The following IGFL2 variants were observed in gnomAD, a reference collection of about 807,000 sequenced individuals.
IGFL2 encodes the protein IGF like family member 2.
Under a neutral mutation model 13.9 loss-of-function variants are expected in IGFL2, and 7 were observed. That is an observed-to-expected ratio of 0.51 (90% CI 0.29 to 0.95). The LOEUF (loss-of-function observed/expected upper bound fraction) is 0.95. Ranked by LOEUF, IGFL2 falls within the 40% of genes least tolerant of loss-of-function variation. The probability of loss-of-function intolerance (pLI) is 0.08; values close to 1 mark genes in which losing one functional copy is unlikely to be tolerated. For missense variants in IGFL2, 138 were observed against 147.8 expected (o/e 0.93, Z 0.34); for synonymous variants, 55 against 55.8 (o/e 0.99, Z 0.07).
At chr19:46,101,735 G>T in the IGFL2 span, among the ~76,000 whole-genome samples, 1 of 152,152 alleles carries the variant, frequency 6.6e-6, no homozygotes, top group African/African-American at 2.4e-5. Flanking sequence ...CCCAGAACTC[G>T]GTAGTCTTAG....
upstream of IGFL2, among the ~76,000 whole-genome samples, chr19:46,141,706 C>A (rs948876316): frequency 6.6e-6 from 1 of 152,056 alleles, no homozygotes; most frequent in African/African-American, 2.4e-5. Flanking sequence ...AGGGTTTCTC[C>A]TTCTCCCCAT....
the IGFL2 span, among the ~76,000 whole-genome samples, chr19:46,205,204 C>T: frequency 3.3e-5 from 5 of 152,118 alleles, no homozygotes; most frequent in Middle Eastern, 3.2e-3. Context: ...TAATGAAAAG[C>T]ACCCTCCAAA....
the IGFL2 span, among the ~76,000 whole-genome samples, chr19:46,131,883 G>T: frequency 6.6e-6 from 1 of 152,278 alleles, no homozygotes; most frequent in East Asian, 1.9e-4. Context: ...AGGTTGCAGT[G>T]AGCCAATATT....
the IGFL2 span, among the ~76,000 whole-genome samples, chr19:46,096,846 G>A: frequency 6.6e-6 from 1 of 152,216 alleles, no homozygotes; most frequent in Non-Finnish European, 1.5e-5. Context: ...TGTTGAACCA[G>A]CCTTGCATCC....
chr19:46,119,569 G>A, the IGFL2 span, among the ~76,000 whole-genome samples: 3 of 151,246 alleles, frequency 2.0e-5, no homozygotes, highest in African/African-American at 4.9e-5. Context: ...CTTAGTTGAC[G>A]TCCAAGTTCC....
the IGFL2 span, chr19:46,189,774 G>A: frequency 7.2e-5 from 11 of 152,048 alleles, no homozygotes; most frequent in African/African-American, 2.4e-4. Flanking sequence ...GGAATAAAGA[G>A]TAATTGCTAC....
chr19:46,144,095 A>G (rs530295326), upstream of IGFL2, among the ~76,000 whole-genome samples: 1 of 152,356 alleles, frequency 6.6e-6, no homozygotes, highest in South Asian at 2.1e-4. Context: ...TTATGTAAAG[A>G]GTCAGGCTTT....
At chr19:46,099,537 T>C in the IGFL2 span, among the ~76,000 whole-genome samples, 2 of 149,732 alleles carry the variant, frequency 1.3e-5, no homozygotes, top group South Asian at 4.2e-4. Context: ...TTCTTTCTTT[T>C]TTTTTTTTTG....
the IGFL2 span, among the ~76,000 whole-genome samples, chr19:46,172,715 G>GTA: frequency 1.8e-4 from 27 of 151,700 alleles, no homozygotes; most frequent in Admixed American, 9.2e-4. Flanking sequence ...ACTTTGATGT[G>GTA]TATATATATA....
the IGFL2 span, among the ~76,000 whole-genome samples, chr19:46,166,337 A>G: frequency 1.3e-5 from 2 of 152,208 alleles, no homozygotes; most frequent in African/African-American, 2.4e-5. Flanking sequence ...CACAAAAACC[A>G]GCAAGTTTTT....
the IGFL2 span, among the ~76,000 whole-genome samples, chr19:46,102,760 G>A: frequency 6.6e-6 from 1 of 152,156 alleles, no homozygotes; most frequent in Non-Finnish European, 1.5e-5. Context: ...TGACATTTCT[G>A]TCTTCTTATA....
At chr19:46,175,090 C>T in the IGFL2 span, among the ~76,000 whole-genome samples, 1 of 152,140 alleles carries the variant, frequency 6.6e-6, no homozygotes, top group Non-Finnish European at 1.5e-5. Context: ...ATAACTTGGT[C>T]TATATATTCC....
At chr19:46,206,568 T>A in the IGFL2 span, among the ~76,000 whole-genome samples, 1 of 152,134 alleles carries the variant, frequency 6.6e-6, no homozygotes, top group South Asian at 2.1e-4. Context: ...ACCCAGAGGA[T>A]TTTTCCTTCC....
chr19:46,094,492 T>C, the IGFL2 span, among the ~76,000 whole-genome samples: 3 of 151,694 alleles, frequency 2.0e-5, no homozygotes, highest in South Asian at 6.2e-4. Context: ...TAATTTTGTT[T>C]TTTTCTTTTT....
chr19:46,104,078 G>A, the IGFL2 span, among the ~76,000 whole-genome samples: 2 of 152,164 alleles, frequency 1.3e-5, no homozygotes, highest in African/African-American at 2.4e-5. Flanking sequence ...TCATATGGCT[G>A]GGAATCTGGA....
the IGFL2 span, among the ~76,000 whole-genome samples, chr19:46,101,934 G>T: frequency 6.6e-6 from 1 of 152,240 alleles, no homozygotes; most frequent in Non-Finnish European, 1.5e-5. Context: ...AGAAAAATAA[G>T]TTTAAAAAAG....
the IGFL2 span, among the ~76,000 whole-genome samples, chr19:46,083,362 T>C: frequency 0.013 from 2,051 of 152,304 alleles, 32 homozygotes; most frequent in Middle Eastern, 0.027. Context: ...CTGTAAGAAA[T>C]GGATATGTGC....
At chr19:46,145,634 G>GTATT (rs1188711554), upstream of IGFL2, among the ~76,000 whole-genome samples, 4 of 147,656 alleles carry the variant, frequency 2.7e-5, no homozygotes, top group African/African-American at 7.5e-5. Context: ...GTGTGTGTGT[G>GTATT]TATTTATTTA....
the IGFL2 span, chr19:46,120,229 A>G: frequency 1.3e-6 from 2 of 1,550,306 alleles, no homozygotes; most frequent in South Asian, 2.3e-5. Context: ...ATCCCTCTGA[A>G]GTCAAGTTGC....
Sources: gnomAD v4.1 joint callset for allele counts (sites outside exome capture counted in the v4.1 genomes callset) on GRCh38, gnomAD v4.1.1 for gene constraint, MANE v1.5 for transcripts, NCBI Gene and HGNC (gene_info 2026-07-23, HGNC 2026-07-21) for gene names.